AGBL1: variants seen among roughly 807,000 people sequenced by gnomAD.
AGBL1 encodes cytosolic carboxypeptidase 4.
AGBL1 carries 130 observed loss-of-function variants against 118.9 expected under a neutral mutation model. The ratio of observed to expected loss-of-function variants is 1.09; its 90% CI spans 0.95 to 1.26. The LOEUF (loss-of-function observed/expected upper bound fraction) is 1.26, where lower values mean the gene tolerates loss of function less well. Ranked by LOEUF, AGBL1 falls within the 50% of genes most tolerant of loss-of-function variation. The probability of loss-of-function intolerance (pLI) is 0.00; values close to 1 mark genes in which losing one functional copy is unlikely to be tolerated. For synonymous variants in AGBL1, 555 were observed against 478.9 expected, an observed-to-expected ratio of 1.16 and a Z score of -2.08; for missense variants, 1,584 against 1,298.1, an observed-to-expected ratio of 1.22 and a Z score of -3.38.
chr15:86,862,596 C>G (rs902186036), intron 22 of AGBL1, among the ~76,000 whole-genome samples: 3 of 152,110 alleles, frequency 2.0e-5, no homozygotes, highest in African/African-American at 7.2e-5. Flanking sequence ...TGACATATGC[C>G]TGTAGTCCCA....
At chr15:86,314,844 A>G (rs2079976163) in intron 17 of AGBL1, among the ~76,000 whole-genome samples, 2 of 152,196 alleles carry the variant, frequency 1.3e-5, no homozygotes, top group Admixed American at 6.5e-5. Context: ...TTTCAAGGGC[A>G]TGTTTTCCAG....
intron 21 of AGBL1, among the ~76,000 whole-genome samples, chr15:86,632,424 C>G (rs578127077): frequency 6.6e-6 from 1 of 152,156 alleles, no homozygotes; most frequent in East Asian, 1.9e-4. Flanking sequence ...GCCTGGGCAA[C>G]AAGAGCGAAA....
intron 22 of AGBL1, among the ~76,000 whole-genome samples, chr15:86,817,333 C>G (rs2078873884): frequency 6.6e-6 from 1 of 150,712 alleles, no homozygotes; most frequent in Non-Finnish European, 1.5e-5. Flanking sequence ...AGGCATGGGC[C>G]AAGCCTTCTA....
chr15:86,936,531 G>A (rs976302460), intron 23 of AGBL1, among the ~76,000 whole-genome samples: 2 of 152,098 alleles, frequency 1.3e-5, no homozygotes, highest in Admixed American at 6.5e-5. Context: ...TTTCTTCTCT[G>A]ACAAAAACAA....
At chr15:86,411,275 C>T (rs1023056142) in intron 18 of AGBL1, among the ~76,000 whole-genome samples, 2 of 151,888 alleles carry the variant, frequency 1.3e-5, no homozygotes, top group African/African-American at 4.8e-5. Flanking sequence ...GGGACTGCCT[C>T]CCTGGGGTGG....
At chr15:86,552,227 T>G (rs2083672842) in intron 20 of AGBL1, among the ~76,000 whole-genome samples, 1 of 152,150 alleles carries the variant, frequency 6.6e-6, no homozygotes, top group East Asian at 1.9e-4. Flanking sequence ...AGTCCATGCA[T>G]GTACAGGAGT....
chr15:86,646,586 C>CT (rs971345675), intron 21 of AGBL1, among the ~76,000 whole-genome samples: 12 of 152,056 alleles, frequency 7.9e-5, no homozygotes, highest in South Asian at 2.1e-4. Flanking sequence ...TTACACTTTT[C>CT]TTTTTTTTAA....
chr15:86,685,641 T>C (rs1211911480), intron 22 of AGBL1, among the ~76,000 whole-genome samples: 1 of 152,092 alleles, frequency 6.6e-6, no homozygotes. Context: ...GTTTAGAAAG[T>C]CATTATTATT....
At position 86,264,669 on chromosome 15, in the gene AGBL1, C is replaced by A. The variant is rs766018404; in HGVS notation, c.1498C>A (p.Gln500Lys). 1.9e-6 allele frequency: 3 copies of A among 1,613,896 alleles called. No individual in the cohort carries two copies. Among genetic ancestry groups the A allele is most frequent in the East Asian group, 4.5e-5 (2 of 44,900 alleles). Residue 500 changes from glutamine (Q) to lysine (K), a missense_variant, in exon 11 of 23, where the codon CAG (glutamine) becomes AAG (lysine). Gln to Lys is a moderately conservative substitution (Grantham distance 53). Coordinates refer to ENST00000614907, the MANE Select transcript of AGBL1 (RefSeq NM_001386094.1). ...TGTCAAAGTAATAGATAAGCTTCTGCAGACACATCTGAAGCGTGTCCCTTT... is the reference window on the plus strand; with the variant it reads ...TGTCAAAGTAATAGATAAGCTTCTGAAGACACATCTGAAGCGTGTCCCTTT... ...EVVKVIDKLL[Q>K]THLKRVPFHD...
At chr15:86,191,369 A>AAAG (rs1247744212) in intron 5 of AGBL1, among the ~76,000 whole-genome samples, 1 of 145,150 alleles carries the variant, frequency 6.9e-6, no homozygotes, top group Non-Finnish European at 1.5e-5. Flanking sequence ...AAAAAAAAAA[A>AAAG]AGAGAGAGAG....
chr15:86,756,494 T>C (rs1272352777), intron 22 of AGBL1, among the ~76,000 whole-genome samples: 1 of 151,972 alleles, frequency 6.6e-6, no homozygotes, highest in Non-Finnish European at 1.5e-5. Flanking sequence ...TTCCATGCCA[T>C]GGGTGTTTTA....
chr15:86,675,369 T>G (rs1254534955), intron 22 of AGBL1, among the ~76,000 whole-genome samples: 1 of 152,196 alleles, frequency 6.6e-6, no homozygotes, highest in Non-Finnish European at 1.5e-5. Flanking sequence ...TGTGACATAC[T>G]GAATGGCCAG....
intron 23 of AGBL1, among the ~76,000 whole-genome samples, chr15:86,952,550 T>C (rs1308064843): frequency 5.3e-5 from 8 of 152,336 alleles, no homozygotes; most frequent in African/African-American, 1.9e-4. Flanking sequence ...TTCTTGTTGA[T>C]TTGTTTAAAT....
chr15:86,237,902 G>A (rs2078579035), intron 6 of AGBL1, among the ~76,000 whole-genome samples: 1 of 152,094 alleles, frequency 6.6e-6, no homozygotes, highest in African/African-American at 2.4e-5. Context: ...CTGTCCCCTT[G>A]CTTTCTTCAC....
At position 86,910,042 on chromosome 15, in the gene AGBL1, C is replaced by T. The variant is rs1291483851; in HGVS notation, c.*2748C>T. 6.6e-6 allele frequency: 1 copy of T among 152,208 alleles called. No individual in the cohort carries two copies. The highest frequency in any genetic ancestry group is 2.4e-5 in the African/African-American group (1 of 41,448). The allele number at this position is 152,208 out of a possible 1,614,324, so 9.4% of individuals were successfully genotyped here. A position where few individuals can be genotyped will look rare whatever the true frequency, so the allele number is the denominator to read the frequency against. On this transcript the variant is annotated 3_prime_UTR_variant, in exon 23 of 23. Transcript: ENST00000614907. The stretch of plus-strand genomic sequence containing the variant: ...CTATTTTGTGCCCTCAGTAACCAGA[C>T]AAAGAAGAACAATAAACATTCTAAG...
intron 22 of AGBL1, among the ~76,000 whole-genome samples, chr15:86,854,560 T>C (rs550833319): frequency 1.3e-5 from 2 of 152,326 alleles, no homozygotes; most frequent in South Asian, 2.1e-4. Context: ...CAGTGTTACA[T>C]GCACACAACC....
intron 1 of AGBL1, among the ~76,000 whole-genome samples, chr15:86,129,436 T>C (rs1210437859): frequency 6.6e-6 from 1 of 152,230 alleles, no homozygotes; most frequent in African/African-American, 2.4e-5. Flanking sequence ...TCTCCCTGAC[T>C]TGGCTTTAAA....
chr15:86,838,291 T>G, intron 22 of AGBL1, among the ~76,000 whole-genome samples: 1 of 152,230 alleles, frequency 6.6e-6, no homozygotes, highest in East Asian at 1.9e-4. Context: ...GGCCTGTAAG[T>G]TAGTGTGTTA....
intron 16 of AGBL1, among the ~76,000 whole-genome samples, chr15:86,287,147 T>A (rs759230897): frequency 1.3e-5 from 2 of 152,194 alleles, no homozygotes; most frequent in Admixed American, 6.5e-5. Flanking sequence ...GCCATTTGTA[T>A]GTCTTCTGTT....
Sources: gnomAD v4.1 joint callset for allele counts (sites outside exome capture counted in the v4.1 genomes callset) on GRCh38, gnomAD v4.1.1 for gene constraint, MANE v1.5 for transcripts, NCBI Gene and HGNC (gene_info 2026-07-23, HGNC 2026-07-21) for gene names.